Variants in ACSF3 observed in about 807,000 individuals in gnomAD.
The protein encoded by ACSF3 is malonate--CoA ligase ACSF3, mitochondrial.
In ACSF3, 78 loss-of-function variants were observed where a neutral mutation model predicts 53.2. That is an observed-to-expected ratio of 1.47 (90% CI 1.22 to 1.77). The LOEUF (loss-of-function observed/expected upper bound fraction) is 1.77, where lower values mean the gene tolerates loss of function less well. Ranked by LOEUF, ACSF3 falls within the 40% of genes most tolerant of loss-of-function variation. The pLI is 0.00. For synonymous variants in ACSF3, 414 were observed against 333.1 expected, an observed-to-expected ratio of 1.24 and a Z score of -2.65; for missense variants, 937 against 771.1, an observed-to-expected ratio of 1.22 and a Z score of -2.55.
chr16:89,094,232 G>A (rs1199037002), intron 1 of ACSF3, among the ~76,000 whole-genome samples: 2 of 152,084 alleles, frequency 1.3e-5, no homozygotes, highest in Non-Finnish European at 2.9e-5. Context: ...GAAGCTGTGC[G>A]GACGCCGGGC....
At chr16:89,139,335 C>T (rs571953038) in intron 8 of ACSF3, among the ~76,000 whole-genome samples, 2 of 152,278 alleles carry the variant, frequency 1.3e-5, no homozygotes, top group Admixed American at 6.5e-5. Context: ...ACAGCATCCT[C>T]GTCTTCCCTC....
intron 7 of ACSF3, among the ~76,000 whole-genome samples, chr16:89,131,946 C>T (rs1215138198): frequency 6.6e-6 from 1 of 152,264 alleles, no homozygotes; most frequent in Non-Finnish European, 1.5e-5. Flanking sequence ...TCAGCCCCTC[C>T]TGGAGGAGCC....
intron 1 of ACSF3, among the ~76,000 whole-genome samples, chr16:89,097,645 C>T (rs943343608): frequency 1.3e-5 from 2 of 152,198 alleles, no homozygotes; most frequent in Non-Finnish European, 2.9e-5. Flanking sequence ...GCACAGCCCA[C>T]GTGCCGATCT....
Position 89,139,087 on chromosome 16 carries a change from C to T in ACSF3, c.1366+5825C>T, listed in dbSNP as rs536320340. On this transcript the variant is annotated intron_variant, in intron 8 of 10. Transcript: ENST00000614302. ...AGGAGGCCCCTCCTCAGGCACGGCC[C>T]GGCTCAGTCCCGTATGGCATCTGCA... 2.0e-4 allele frequency among the ~76,000 whole-genome samples: 30 copies of T among 152,340 alleles called. 1 individual carries two copies. Among genetic ancestry groups the T allele is most frequent in the Admixed American group, 1.3e-3 (20 of 15,308 alleles).
chr16:89,150,762 C>A, intron 10 of ACSF3: 1 of 352,510 alleles, frequency 2.8e-6, no homozygotes, highest in East Asian at 7.5e-5. Flanking sequence ...GAGCCAGGCC[C>A]TTGCTGTCCA....
chr16:89,108,520 C>G (rs555917264), intron 4 of ACSF3, among the ~76,000 whole-genome samples: 2 of 152,288 alleles, frequency 1.3e-5, no homozygotes, highest in Admixed American at 6.5e-5. Flanking sequence ...AATTAAGTAG[C>G]CATTACCTCA....
intron 4 of ACSF3, among the ~76,000 whole-genome samples, chr16:89,103,338 G>A (rs1335509236): frequency 6.6e-6 from 1 of 152,244 alleles, no homozygotes; most frequent in Non-Finnish European, 1.5e-5. Flanking sequence ...GAGTCTTGCG[G>A]AGCTGATGCT....
At chr16:89,136,089 T>G (rs1367427390) in intron 8 of ACSF3, among the ~76,000 whole-genome samples, 1 of 152,250 alleles carries the variant, frequency 6.6e-6, no homozygotes, top group Admixed American at 6.5e-5. Flanking sequence ...CTTGTATTTT[T>G]AAATTCAGGT....
chr16:89,102,721 G>A lies in ACSF3; in HGVS notation c.784G>A (p.Ala262Thr). Residue 262 changes from alanine to threonine, a missense_variant, in exon 4 of 11, where the codon GCC becomes ACC. Ala to Thr is a moderately conservative substitution (Grantham distance 58, BLOSUM62 0). Transcript: ENST00000614302. ...GCTGCTCTGTCCTCTCTGGGTGGGA[G>A]CCACCTGTGTGATGATGCCTGAGTT... ...NALLCPLWVG[A>T]TCVMMPEFSP... The A allele has an allele frequency of 6.2e-7, 1 of 1,613,128 alleles. No homozygotes were observed. Among genetic ancestry groups the A allele is most frequent in the South Asian group, 1.1e-5 (1 of 91,082 alleles).
intron 3 of ACSF3, among the ~76,000 whole-genome samples, chr16:89,102,040 G>A (rs759643916): frequency 6.6e-6 from 1 of 152,244 alleles, no homozygotes; most frequent in Non-Finnish European, 1.5e-5. Context: ...GCTTCTCCCT[G>A]GAGCCTGTGC....
intron 3 of ACSF3, 143 bp downstream of exon 3, chr16:89,101,490 G>C (rs1975336460): frequency 6.6e-7 from 1 of 1,505,356 alleles, no homozygotes; most frequent in Non-Finnish European, 8.9e-7. Flanking sequence ...GTGAGATACA[G>C]GGACGCAGGC....
intron 7 of ACSF3, chr16:89,122,521 C>T: frequency 2.9e-6 from 1 of 347,418 alleles, no homozygotes; most frequent in East Asian, 8.5e-5. Flanking sequence ...CCTGCAGTGC[C>T]CCTGCCCCCA....
intron 8 of ACSF3, chr16:89,136,740 C>T (rs764634960): frequency 3.1e-6 from 4 of 1,287,164 alleles, no homozygotes; most frequent in Admixed American, 2.3e-5. Flanking sequence ...TCTGTGCCTA[C>T]AGCCCGCTTC....
At chr16:89,133,104 G>A in intron 7 of ACSF3, 32 bp from the exon 8 acceptor site, 2 of 1,612,676 alleles carry the variant, frequency 1.2e-6, no homozygotes, top group Non-Finnish European at 8.5e-7. Context: ...GGTGTGCCCA[G>A]CTCTGACCTC....
intron 8 of ACSF3, among the ~76,000 whole-genome samples, chr16:89,135,955 A>C (rs1286574958): frequency 1.3e-5 from 2 of 152,192 alleles, no homozygotes; most frequent in Admixed American, 6.5e-5. Context: ...TTGTATTTTT[A>C]GTAAAGACAG....
At chr16:89,121,650 C>T (rs550727483) in intron 7 of ACSF3, among the ~76,000 whole-genome samples, 1 of 152,318 alleles carries the variant, frequency 6.6e-6, no homozygotes, top group East Asian at 1.9e-4. Flanking sequence ...GACTGTGTTG[C>T]CCTGAGGTTT....
rs1485054716 is a variant in ACSF3 at position 89,126,353 on chromosome 16, C to A, written c.1239+5440C>A. 3.3e-5 allele frequency among the ~76,000 whole-genome samples: 5 copies of A among 152,152 alleles called. No individual in the cohort carries two copies. The East Asian group carries it at 9.6e-4, about 29-fold the overall frequency. ...GTACGATCTCAGCTCACTGCAACCTCTACTTCCTGGGTCTAAGTGATTCTC... is the reference window on the plus strand; with the variant it reads ...GTACGATCTCAGCTCACTGCAACCTATACTTCCTGGGTCTAAGTGATTCTC... On this transcript the variant is annotated intron_variant, in intron 7 of 10. Coordinates refer to ENST00000614302, the MANE Select transcript of ACSF3 (RefSeq NM_001243279.3).
At chr16:89,125,261 T>C (rs1907757664) in intron 7 of ACSF3, among the ~76,000 whole-genome samples, 1 of 150,256 alleles carries the variant, frequency 6.7e-6, no homozygotes. Flanking sequence ...GAGAATCACT[T>C]GAAACCAGAA....
chr16:89,145,097 C>A, intron 8 of ACSF3, 170 bp from the exon 9 acceptor site: 1 of 1,558,526 alleles, frequency 6.4e-7, no homozygotes, highest in Non-Finnish European at 8.7e-7. Flanking sequence ...TGTGGGCTTA[C>A]CTGGCATAGC....
Sources: allele counts gnomAD v4.1 joint callset (sites outside exome capture counted in the v4.1 genomes callset), GRCh38; gene constraint gnomAD v4.1.1; transcripts MANE v1.5; gene names NCBI Gene and HGNC (gene_info 2026-07-23, HGNC 2026-07-21).